FBXO9: variants seen among roughly 807,000 people sequenced by gnomAD.
FBXO9 encodes F-box protein 9.
In FBXO9, 43 loss-of-function variants were observed where a neutral mutation model predicts 63.7. The observed-to-expected ratio is 0.67, with a 90% CI of 0.53 to 0.87. The LOEUF (loss-of-function observed/expected upper bound fraction) is 0.87. FBXO9 is among the 40% of genes least tolerant of loss of function. FBXO9 has a pLI of 0.00. For missense variants in FBXO9, 442 were observed against 533.2 expected, an observed-to-expected ratio of 0.83 and a Z score of 1.68; for synonymous variants, 156 against 171.7, an observed-to-expected ratio of 0.91 and a Z score of 0.72.
chr6:53,077,158 C>T (rs1416562005), intron 4 of FBXO9, among the ~76,000 whole-genome samples: 1 of 151,896 alleles, frequency 6.6e-6, no homozygotes, highest in Non-Finnish European at 1.5e-5. Context: ...TTCTAAGTTC[C>T]AATTTACATA....
At chr6:53,065,829 G>A (rs773435670) in intron 1 of FBXO9, 37 bp downstream of exon 1, 9 of 1,320,764 alleles carry the variant, frequency 6.8e-6, no homozygotes, top group Admixed American at 3.8e-5. Flanking sequence ...GGACGCCGCG[G>A]GGCGGGAGCG....
In FBXO9 at chr6:53,076,534, C is replaced by T. The variant is rs775366099; in HGVS notation, c.298C>T (p.Leu100Phe). ...KAVEEEQNGA[L>F]YEAIKFYRRA... ...AGTAGAAGAAGAACAAAATGGAGCT[C>T]TCTATGAAGGTAAAAATTCAGAGCC... Residue 100 changes from leucine to phenylalanine, a missense_variant, in exon 4 of 13, where the codon CTC (leucine) becomes TTC (phenylalanine). By Grantham distance (22) the Leu-to-Phe change is conservative. Transcript: ENST00000323557. The T allele has an allele frequency of 1.3e-6, 2 of 1,541,712 alleles. No homozygotes were observed. The highest frequency in any genetic ancestry group is 1.7e-6 in the Non-Finnish European group (2 of 1,155,282).
At chr6:53,088,694 G>T (rs1044241177) in intron 7 of FBXO9, among the ~76,000 whole-genome samples, 1 of 151,558 alleles carries the variant, frequency 6.6e-6, no homozygotes, top group Non-Finnish European at 1.5e-5. Flanking sequence ...CGCCTTGCGG[G>T]TTCAGGCGAT....
intron 6 of FBXO9, among the ~76,000 whole-genome samples, chr6:53,082,008 G>A (rs1484761609): frequency 2.0e-5 from 3 of 152,134 alleles, no homozygotes; most frequent in Non-Finnish European, 2.9e-5. Flanking sequence ...GGCAGAGGCT[G>A]CAGTGAGCTG....
chr6:53,068,157 G>A (rs1004970312), intron 1 of FBXO9, among the ~76,000 whole-genome samples: 2 of 151,864 alleles, frequency 1.3e-5, no homozygotes, highest in African/African-American at 4.8e-5. Context: ...ACCATCTTTG[G>A]AACCAGTAAA....
Position 53,092,717 on chromosome 6 carries a change from T to A in FBXO9, c.773-17T>A, listed in dbSNP as rs773575151. The A allele has an allele frequency of 8.3e-6, 13 of 1,569,084 alleles. No homozygotes were observed. In the Admixed American group the frequency reaches 8.9e-5, roughly 11 times the overall value. Reference sequence around the variant, plus strand: ...CTGAATATTATAATTTTTAACTTTTTAAAATTATTTTCATAGGCGTGTATA... The same window carrying A: ...CTGAATATTATAATTTTTAACTTTTAAAAATTATTTTCATAGGCGTGTATA... On this transcript the variant is annotated splice_polypyrimidine_tract_variant and intron_variant, in intron 8 of 12. Coordinates refer to ENST00000323557, the MANE Select transcript of FBXO9 (RefSeq NM_033480.3).
At chr6:53,070,623 A>G (rs1768879294) in intron 1 of FBXO9, among the ~76,000 whole-genome samples, 1 of 152,214 alleles carries the variant, frequency 6.6e-6, no homozygotes, top group Admixed American at 6.5e-5. Flanking sequence ...TAACCTAGAG[A>G]TGACTTAAAG....
At chr6:53,095,892 T>C (rs1047089644) in intron 12 of FBXO9, among the ~76,000 whole-genome samples, 3 of 152,212 alleles carry the variant, frequency 2.0e-5, no homozygotes, top group African/African-American at 7.2e-5. Context: ...CCCATTGGAA[T>C]GTGAATTGGT....
chr6:53,073,568 G>C lies in FBXO9; in HGVS notation c.178G>C (p.Ala60Pro). 6.2e-7 allele frequency: 1 copy of C among 1,611,916 alleles called. No homozygotes were observed. Among genetic ancestry groups the C allele is most frequent in the African/African-American group, 1.3e-5 (1 of 75,016 alleles). ...CAATTTAGAAAATCGACCTTGCAGA[G>C]CAGCAAGAGGCTCTCTCCAGAAAAC... Reference protein sequence around the residue: ...SSNLENRPCRAARGSLQKTSA... With the variant: ...SSNLENRPCRPARGSLQKTSA... The change falls in exon 3 of 13, where the codon GCA becomes CCA. Residue 60 changes from alanine to proline, a missense_variant. Physicochemically the swap from Ala to Pro is conservative, Grantham distance 27. Coordinates refer to ENST00000323557, the MANE Select transcript of FBXO9 (RefSeq NM_033480.3).
chr6:53,076,545 T>TAA lies in FBXO9; in HGVS notation c.307+6_307+7dup. On this transcript the variant is annotated splice_region_variant and intron_variant, in intron 4 of 12. Transcript: ENST00000323557. ...AACAAAATGGAGCTCTCTATGAAGGTAAAAATTCAGAGCCCAGGTTCATAT... is the reference window on the plus strand; with the variant it reads ...AACAAAATGGAGCTCTCTATGAAGGTAAAAAAATTCAGAGCCCAGGTTCATAT... 6.5e-7 allele frequency: 1 copy of TAA among 1,530,440 alleles called. No homozygotes were observed. Among genetic ancestry groups the TAA allele is most frequent in the South Asian group, 1.3e-5 (1 of 75,290 alleles). 94.8% of individuals were successfully genotyped at this position (1,530,440 alleles called of 1,614,324 possible). A position where few individuals can be genotyped will look rare whatever the true frequency, so the allele number is the denominator to read the frequency against.
Position 53,065,788 on chromosome 6 carries a change from G to A in FBXO9, c.-2G>A. On this transcript the variant is annotated 5_prime_UTR_variant, in exon 1 of 13. Coordinates refer to ENST00000323557, the MANE Select transcript of FBXO9 (RefSeq NM_033480.3). ...TCGAGCGCAGCAGGCCGCCCCGCCA[G>A]CATGGTAACCTGGCCAGGGGGCTCG... is the stretch of plus-strand genomic sequence containing the variant. 7.2e-7 allele frequency: 1 copy of A among 1,389,412 alleles called. No homozygotes were observed. The highest frequency in any genetic ancestry group is 9.3e-7 in the Non-Finnish European group (1 of 1,071,228). The allele number at this position is 1,389,412 out of a possible 1,614,324, so 86.1% of individuals were successfully genotyped here. A position where few individuals can be genotyped will look rare whatever the true frequency, so the allele number is the denominator to read the frequency against.
rs779980105 is a variant in FBXO9, at chr6:53,071,088, C to T, written c.35C>T (p.Thr12Ile). ...AEAEEDCHSD[T>I]VRADDDEENE... ...GCTGAGGAAGATTGTCATTCTGATA[C>T]TGTCAGAGCAGATGATGATGAAGAA... is the stretch of plus-strand genomic sequence containing the variant. The change falls in exon 2 of 13, where the codon ACT becomes ATT. Residue 12 changes from threonine to isoleucine, a missense_variant. Thr to Ile is a moderately conservative substitution (Grantham distance 89, BLOSUM62 -1). Transcript: ENST00000323557. The T allele has an allele frequency of 1.9e-6, 3 of 1,575,386 alleles. No homozygotes were observed. Among genetic ancestry groups the T allele is most frequent in the African/African-American group, 2.7e-5 (2 of 74,274 alleles).
In FBXO9 at chr6:53,065,585, C is replaced by A; in HGVS notation, c.-205C>A. 1.9e-6 allele frequency: 1 copy of A among 535,602 alleles called. No individual in the cohort carries two copies. The highest frequency in any genetic ancestry group is 2.9e-6 in the Non-Finnish European group (1 of 347,998). The allele number at this position is 535,602 out of a possible 1,614,324, so 33.2% of individuals were successfully genotyped here. A position where few individuals can be genotyped will look rare whatever the true frequency, so the allele number is the denominator to read the frequency against. The stretch of plus-strand genomic sequence containing the variant: ...GCCACCCCAGCGCGCCCCGATCTGG[C>A]CCCCTGCCCCGCGAAGATGGCTGCC... On this transcript the variant is annotated 5_prime_UTR_variant, in exon 1 of 13. Transcript: ENST00000323557.
chr6:53,071,008 C>A lies in FBXO9; in HGVS notation c.4-49C>A, dbSNP rs971703635. The A allele has an allele frequency of 1.6e-5, 25 of 1,552,326 alleles. No homozygotes were observed. In the African/African-American group the frequency reaches 3.4e-4, roughly 21 times the overall value. On this transcript the variant is annotated intron_variant, in intron 1 of 12. Transcript: ENST00000323557. ...AATGAGAAATGTAGATTGCAGAGGG[C>A]AACTGGTGTGTTTATATGCCTGACA...
In FBXO9 at chr6:53,098,991, A is replaced by G. The variant is rs1212554372; in HGVS notation, c.*1161A>G. ...CAACCATAGTTAGAGACAAATTCTC[A>G]TGTACTTTCAGAAATCAATATCTGC... On this transcript the variant is annotated 3_prime_UTR_variant, in exon 13 of 13. Transcript: ENST00000323557. 1 of 152,222 alleles carries G rather than the reference A, an allele frequency of 6.6e-6. No homozygotes were observed. The highest frequency in any genetic ancestry group is 1.5e-5 in the Non-Finnish European group (1 of 68,054). The allele number at this position is 152,222 out of a possible 1,614,324, so 9.4% of individuals were successfully genotyped here.
chr6:53,070,871 C>A, intron 1 of FBXO9, 186 bp from the exon 2 acceptor site: 1 of 882,796 alleles, frequency 1.1e-6, no homozygotes, highest in Non-Finnish European at 1.7e-6. Flanking sequence ...GCTTTTCAGA[C>A]TCATTTTCCT....
intron 7 of FBXO9, 33 bp from the exon 8 acceptor site, chr6:53,092,396 A>G (rs762188489): frequency 1.3e-5 from 19 of 1,470,236 alleles, no homozygotes; most frequent in Non-Finnish European, 1.5e-5. Flanking sequence ...ATAGGGACTT[A>G]GTTTTTATTG....
At chr6:53,068,653 TG>T (rs1347219568) in intron 1 of FBXO9, among the ~76,000 whole-genome samples, 214 of 76,100 alleles carry the variant, frequency 2.8e-3, no homozygotes, top group Non-Finnish European at 5.2e-3. Context: ...TATATATATG[TG>T]TTTTTTTTTT....
chr6:53,092,467 G>C lies in FBXO9; in HGVS notation c.692G>C (p.Trp231Ser). 1 of 1,613,958 alleles carries C rather than the reference G, an allele frequency of 6.2e-7. No individual in the cohort carries two copies. Among genetic ancestry groups the C allele is most frequent in the Non-Finnish European group, 8.5e-7 (1 of 1,179,872 alleles). ...EIWRLACLKV[W>S]GRSCIKLVPY... is the part of the protein sequence containing the mutation. ...TGGCGTCTGGCCTGCTTGAAAGTTT[G>C]GGGCAGAAGCTGTATTAAACTTGTT... Residue 231 changes from tryptophan to serine, a missense_variant, in exon 8 of 13, where the codon TGG (tryptophan) becomes TCG (serine). Physicochemically the swap from Trp to Ser is radical, Grantham distance 177. Coordinates refer to ENST00000323557, the MANE Select transcript of FBXO9 (RefSeq NM_033480.3).
Sources: gnomAD v4.1 joint callset for allele counts (sites outside exome capture counted in the v4.1 genomes callset) on GRCh38, gnomAD v4.1.1 for gene constraint, MANE v1.5 for transcripts, NCBI Gene and HGNC (gene_info 2026-07-23, HGNC 2026-07-21) for gene names.